UBE2E1: variants seen among roughly 807,000 people sequenced by gnomAD.
UBE2E1 encodes the protein ubiquitin-conjugating enzyme E2 E1.
UBE2E1 carries 6 observed loss-of-function variants against 21.4 expected under a neutral mutation model. The observed-to-expected ratio is 0.28, with a 90% CI of 0.15 to 0.55. UBE2E1 has a LOEUF of 0.55. Ranked by LOEUF, UBE2E1 falls within the 20% of genes least tolerant of loss-of-function variation. The probability of loss-of-function intolerance (pLI) is 0.93; values close to 1 mark genes in which losing one functional copy is unlikely to be tolerated. For missense variants in UBE2E1, 142 were observed against 236.5 expected (o/e 0.60, Z 2.62); for synonymous variants, 87 against 82.7 (o/e 1.05, Z -0.28).
chr3:23,818,366 C>T (rs1325903254), intron 3 of UBE2E1, among the ~76,000 whole-genome samples: 1 of 152,118 alleles, frequency 6.6e-6, no homozygotes, highest in Non-Finnish European at 1.5e-5. Flanking sequence ...ATCTACATGG[C>T]CTACTTTTAG....
chr3:23,889,660 G>C, intron 5 of UBE2E1: 2 of 985,280 alleles, frequency 2.0e-6, no homozygotes, highest in Non-Finnish European at 2.4e-6. Context: ...TCCCATAGCT[G>C]GTCACTGAGA....
At chr3:23,882,424 A>G (rs965358686) in intron 3 of UBE2E1, among the ~76,000 whole-genome samples, 1 of 152,234 alleles carries the variant, frequency 6.6e-6, no homozygotes, top group South Asian at 2.1e-4. Context: ...CTAGACGTAA[A>G]AGTTCTCCAA....
In UBE2E1 at chr3:23,842,468, G is replaced by A. The variant is rs1399988600; in HGVS notation, c.203+30958G>A. Among the ~76,000 whole-genome samples the A allele has an allele frequency of 3.3e-5, 5 of 151,944 alleles. No individual in the cohort carries two copies. Among genetic ancestry groups the A allele is most frequent in the African/African-American group, 1.2e-4 (5 of 41,346 alleles). Reference sequence around the variant, plus strand: ...TGCCATGTTGCCCGGCCTGTTGTTCGTTTTTCTTTGAAGAATATACCTTTT... The same window carrying A: ...TGCCATGTTGCCCGGCCTGTTGTTCATTTTTCTTTGAAGAATATACCTTTT... On this transcript the variant is annotated intron_variant, in intron 3 of 5. Transcript: ENST00000306627. The surrounding 1 kb of genome is among the most constrained non-coding windows in gnomAD (Gnocchi z 4.6).
intron 3 of UBE2E1, among the ~76,000 whole-genome samples, chr3:23,857,929 A>T (rs931455616): frequency 6.6e-6 from 1 of 151,900 alleles, no homozygotes; most frequent in Non-Finnish European, 1.5e-5. Context: ...GGCTCACTGC[A>T]ACCTCTGTCA....
intron 3 of UBE2E1, among the ~76,000 whole-genome samples, chr3:23,827,230 G>A (rs143167067): frequency 1.7e-3 from 258 of 152,238 alleles, no homozygotes; most frequent in African/African-American, 5.7e-3. Context: ...TTGCTTTGGG[G>A]TGAATTTTGG....
chr3:23,889,222 CCTTT>C lies in UBE2E1; in HGVS notation c.450_453del (p.Ile152AlafsTer22). On this transcript the variant is annotated frameshift_variant, in exon 5 of 6. Transcript: ENST00000306627. LOFTEE classifies it high-confidence loss of function. Reference sequence around the variant, plus strand: ...CAGCACTAACCATTTCTAAAGTCCTCCTTTCTATCTGCTCACTTCTTACAGACTG... The same window carrying C: ...CAGCACTAACCATTTCTAAAGTCCTCCTATCTGCTCACTTCTTACAGACTG... 6.2e-7 allele frequency: 1 copy of C among 1,613,848 alleles called. No homozygotes were observed. The highest frequency in any genetic ancestry group is 8.5e-7 in the Non-Finnish European group (1 of 1,179,956).
intron 3 of UBE2E1, among the ~76,000 whole-genome samples, chr3:23,872,955 T>A (rs964986604): frequency 4.0e-5 from 6 of 151,760 alleles, no homozygotes; most frequent in Non-Finnish European, 7.4e-5. Flanking sequence ...AGGCAGAGGT[T>A]GCAGTGAGCC....
intron 3 of UBE2E1, among the ~76,000 whole-genome samples, chr3:23,875,811 C>CGCCCAGGCTGGAGT: frequency 1.3e-5 from 2 of 152,316 alleles, no homozygotes; most frequent in Admixed American, 1.3e-4. Flanking sequence ...CTCGCTCTGT[C>CGCCCAGGCTGGAGT]GCCCAGGCTG....
Position 23,891,056 on chromosome 3 carries a change from C to CAT in UBE2E1, c.*458_*459dup, listed in dbSNP as rs1485613194. On this transcript the variant is annotated 3_prime_UTR_variant, in exon 6 of 6. Transcript: ENST00000306627. ...ACAGAGTTTTTAGAGATTGTCATCTCATATATATAAAATGGACACGTGGCT... is the reference window on the plus strand; with the variant it reads ...ACAGAGTTTTTAGAGATTGTCATCTCATATATATATAAAATGGACACGTGGCT... 1.3e-5 allele frequency: 2 copies of CAT among 152,968 alleles called. No homozygotes were observed. Among genetic ancestry groups the CAT allele is most frequent in the Non-Finnish European group, 2.9e-5 (2 of 68,368 alleles). The allele number at this position is 152,968 out of a possible 1,614,324, so 9.5% of individuals were successfully genotyped here.
At chr3:23,873,718 C>A (rs1700852732) in intron 3 of UBE2E1, among the ~76,000 whole-genome samples, 2 of 152,178 alleles carry the variant, frequency 1.3e-5, no homozygotes, top group Admixed American at 1.3e-4. Flanking sequence ...TGCACTCCAG[C>A]CTGGGCGACA....
At chr3:23,874,317 T>C (rs1040982437) in intron 3 of UBE2E1, among the ~76,000 whole-genome samples, 1 of 152,112 alleles carries the variant, frequency 6.6e-6, no homozygotes, top group Admixed American at 6.6e-5. Flanking sequence ...GTGTGGAGGG[T>C]AGAGGTGTTA....
Position 23,853,305 on chromosome 3 carries a change from A to G in UBE2E1, c.204-34262A>G, listed in dbSNP as rs1700365754. Among the ~76,000 whole-genome samples, 1 of 152,246 alleles carries G rather than the reference A, an allele frequency of 6.6e-6. No individual in the cohort carries two copies. The highest frequency in any genetic ancestry group is 3.2e-3 in the Middle Eastern group (1 of 316). ...TGCTCTGAAAAAAATGAAAAATAAA[A>G]TAAGTAGTAGTGAGGGTGGACATGT... On this transcript the variant is annotated intron_variant, in intron 3 of 5. Transcript: ENST00000306627. The surrounding 1 kb of genome is among the most constrained non-coding windows in gnomAD (Gnocchi z 4.1).
chr3:23,858,675 GA>G (rs1226954332), intron 3 of UBE2E1, among the ~76,000 whole-genome samples: 1 of 151,928 alleles, frequency 6.6e-6, no homozygotes, highest in Admixed American at 6.6e-5. Flanking sequence ...TAAAATTTAT[GA>G]AAAAAATGTA....
intron 3 of UBE2E1, among the ~76,000 whole-genome samples, chr3:23,843,136 T>A (rs145346595): frequency 1.1e-3 from 170 of 152,054 alleles, no homozygotes; most frequent in Middle Eastern, 6.8e-3. Flanking sequence ...TAAAATGGAC[T>A]TTCTTTGGGA....
intron 3 of UBE2E1, among the ~76,000 whole-genome samples, chr3:23,841,230 A>G (rs182044286): frequency 5.3e-4 from 80 of 152,302 alleles, no homozygotes; most frequent in Admixed American, 1.2e-3. Context: ...TTAAATGGCT[A>G]TGTTTCAATT....
At chr3:23,834,700 T>C (rs1273174893) in intron 3 of UBE2E1, among the ~76,000 whole-genome samples, 1 of 152,004 alleles carries the variant, frequency 6.6e-6, no homozygotes, top group African/African-American at 2.4e-5. Flanking sequence ...CTGCACTCCT[T>C]CCTGGATGAC....
At chr3:23,837,341 A>C (rs1214136450) in intron 3 of UBE2E1, among the ~76,000 whole-genome samples, 9 of 152,212 alleles carry the variant, frequency 5.9e-5, no homozygotes, top group African/African-American at 2.2e-4. Flanking sequence ...CTCTGTTTAG[A>C]TTTAGGACCT....
At chr3:23,869,268 A>G (rs775374142) in intron 3 of UBE2E1, among the ~76,000 whole-genome samples, 38 of 149,706 alleles carry the variant, frequency 2.5e-4, no homozygotes, top group Admixed American at 4.7e-4. Context: ...ATCCATTATT[A>G]TTATTTAAAT....
intron 3 of UBE2E1, among the ~76,000 whole-genome samples, chr3:23,813,013 A>G (rs2125280720): frequency 6.6e-6 from 1 of 151,838 alleles, no homozygotes; most frequent in Admixed American, 6.6e-5. Flanking sequence ...AAAACAGTGT[A>G]AGTACACTTC....
Sources: gnomAD v4.1 joint callset for allele counts (sites outside exome capture counted in the v4.1 genomes callset) on GRCh38, gnomAD v4.1.1 for gene constraint, Gnocchi (gnomAD v3.1) non-coding constraint, MANE v1.5 for transcripts, NCBI Gene and HGNC (gene_info 2026-07-23, HGNC 2026-07-21) for gene names.